Variants in CTNNA3 observed in about 807,000 individuals in gnomAD.
The protein encoded by CTNNA3 is catenin alpha 3, also known as catenin alpha-3.
CTNNA3 carries 76 observed loss-of-function variants against 95.7 expected under a neutral mutation model. That is an observed-to-expected ratio of 0.79 (90% CI 0.66 to 0.96). The LOEUF is 0.96. Among genes scored for constraint, CTNNA3 ranks in the 40% least tolerant of loss-of-function variants. The pLI, the probability that CTNNA3 is intolerant of heterozygous loss-of-function variation, is 0.00. For missense variants in CTNNA3, 1,191 were observed against 1,089.8 expected, an observed-to-expected ratio of 1.09 and a Z score of -1.31; for synonymous variants, 431 against 374.4, an observed-to-expected ratio of 1.15 and a Z score of -1.74.
intron 5 of CTNNA3, among the ~76,000 whole-genome samples, chr10:67,420,404 T>C (rs1433134737): frequency 6.6e-6 from 1 of 152,224 alleles, no homozygotes; most frequent in East Asian, 1.9e-4. Context: ...GACAATTTAT[T>C]ATGATCCTGG....
At chr10:66,246,923 G>A (rs1170569415) in intron 13 of CTNNA3, among the ~76,000 whole-genome samples, 1 of 151,732 alleles carries the variant, frequency 6.6e-6, no homozygotes, top group African/African-American at 2.4e-5. Flanking sequence ...TGTAGTGGTG[G>A]GTGCCTGTAG....
intron 1 of CTNNA3, among the ~76,000 whole-genome samples, chr10:67,723,217 C>G (rs1841190391): frequency 6.6e-6 from 1 of 151,804 alleles, no homozygotes; most frequent in South Asian, 2.1e-4. Context: ...GAACTCCTGA[C>G]CTCAGGTGAT....
rs1408117658 is a variant in CTNNA3 at position 67,197,737 on chromosome 10, T to C, written c.844-17217A>G. ...GAAAAGAGTTAAAAATCTGCTCTTT[T>C]CCTGGAGTTTAATATCCAGTTAAAT... On this transcript the variant is annotated intron_variant, in intron 6 of 17. Coordinates refer to ENST00000433211, the MANE Select transcript of CTNNA3 (RefSeq NM_013266.4). 2.0e-5 allele frequency among the ~76,000 whole-genome samples: 3 copies of C among 152,272 alleles called. No individual in the cohort carries two copies. In the East Asian group the frequency reaches 5.8e-4, roughly 29 times the overall value.
chr10:66,300,692 C>T (rs2091849164), intron 12 of CTNNA3, among the ~76,000 whole-genome samples: 1 of 151,520 alleles, frequency 6.6e-6, no homozygotes. Flanking sequence ...TTGCCCAGTG[C>T]TCTTTAAAAG....
intron 11 of CTNNA3, among the ~76,000 whole-genome samples, chr10:66,408,797 C>A (rs2091797833): frequency 6.6e-6 from 1 of 152,042 alleles, no homozygotes; most frequent in Non-Finnish European, 1.5e-5. Flanking sequence ...GTGTATAAAA[C>A]CTAGCTGAAA....
At chr10:66,606,611 A>T (rs1409524342) in intron 10 of CTNNA3, among the ~76,000 whole-genome samples, 2 of 152,132 alleles carry the variant, frequency 1.3e-5, no homozygotes, top group Admixed American at 6.6e-5. Flanking sequence ...AGCCTAAGAA[A>T]TTCACTCAAA....
intron 11 of CTNNA3, among the ~76,000 whole-genome samples, chr10:66,415,292 A>T (rs2093137796): frequency 6.7e-6 from 1 of 149,646 alleles, no homozygotes; most frequent in South Asian, 2.2e-4. Context: ...ACATATGACC[A>T]CTCCTCTCGG....
chr10:65,980,516 A>G (rs2078296570), intron 16 of CTNNA3, among the ~76,000 whole-genome samples: 1 of 150,968 alleles, frequency 6.6e-6, no homozygotes, highest in South Asian at 2.1e-4. Context: ...AAAACCAGGG[A>G]AGGACATAAC....
At chr10:67,067,390 C>T (rs1340251267) in intron 7 of CTNNA3, among the ~76,000 whole-genome samples, 2 of 152,132 alleles carry the variant, frequency 1.3e-5, no homozygotes, top group Admixed American at 6.5e-5. Context: ...ATGATTTGCT[C>T]GTATTCACTT....
At chr10:67,117,952 T>C (rs1212125506) in intron 7 of CTNNA3, among the ~76,000 whole-genome samples, 1 of 152,010 alleles carries the variant, frequency 6.6e-6, no homozygotes, top group African/African-American at 2.4e-5. Flanking sequence ...CTGCTTTTCA[T>C]GACCGATTCA....
chr10:67,068,564 A>G (rs138633607), intron 7 of CTNNA3, among the ~76,000 whole-genome samples: 76 of 152,356 alleles, frequency 5.0e-4, no homozygotes, highest in Non-Finnish European at 1.0e-3. Flanking sequence ...AAGCAGGTCA[A>G]GAACAGAACT....
intron 17 of CTNNA3, among the ~76,000 whole-genome samples, chr10:65,946,559 A>C (rs1231861335): frequency 6.6e-6 from 1 of 152,104 alleles, no homozygotes; most frequent in Non-Finnish European, 1.5e-5. Context: ...TAAAAACATC[A>C]CCTTGCATTC....
rs74141267 is a variant in CTNNA3 at position 66,206,752 on chromosome 10, G to A, written c.1884+73718C>T. On this transcript the variant is annotated intron_variant, in intron 13 of 17. Transcript: ENST00000433211. The stretch of plus-strand genomic sequence containing the variant: ...AGAAGATTTTCTTTGTAAAATGAAA[G>A]ATTGGCTTATATTTTCTGGTGTTTC... Among the ~76,000 whole-genome samples the A allele has an allele frequency of 6.0e-3, 910 of 151,980 alleles. 9 individuals are homozygous for A. The highest frequency in any genetic ancestry group is 0.021 in the African/African-American group (869 of 41,532).
At chr10:66,742,357 A>G (rs1353081143) in intron 9 of CTNNA3, among the ~76,000 whole-genome samples, 1 of 152,110 alleles carries the variant, frequency 6.6e-6, no homozygotes, top group Non-Finnish European at 1.5e-5. Context: ...CTGTCTCCTG[A>G]TAAGATGTTA....
chr10:66,337,513 T>C (rs2132342994), intron 12 of CTNNA3, among the ~76,000 whole-genome samples: 1 of 152,180 alleles, frequency 6.6e-6, no homozygotes, highest in Non-Finnish European at 1.5e-5. Context: ...GATCAGGATG[T>C]TCCTCTAAGG....
chr10:67,616,887 A>T (rs541621977), intron 2 of CTNNA3, among the ~76,000 whole-genome samples: 3 of 151,874 alleles, frequency 2.0e-5, no homozygotes, highest in South Asian at 2.1e-4. Flanking sequence ...TTGGGGAAAA[A>T]TTTTTTTTTA....
intron 2 of CTNNA3, among the ~76,000 whole-genome samples, chr10:67,634,927 C>T (rs1839256913): frequency 6.6e-6 from 1 of 152,084 alleles, no homozygotes; most frequent in Non-Finnish European, 1.5e-5. Flanking sequence ...CAAAGATATT[C>T]AGGACCTGAA....
intron 1 of CTNNA3, among the ~76,000 whole-genome samples, chr10:67,731,251 C>T (rs1460089003): frequency 1.3e-5 from 2 of 152,144 alleles, no homozygotes; most frequent in African/African-American, 4.8e-5. Context: ...GATGTGGTGG[C>T]TCACACCTCT....
In CTNNA3 at chr10:66,296,909, G is replaced by C. The variant is rs371497111; in HGVS notation, c.1733-16288C>G. On this transcript the variant is annotated intron_variant, in intron 12 of 17. Coordinates refer to ENST00000433211, the MANE Select transcript of CTNNA3 (RefSeq NM_013266.4). Reference sequence around the variant, plus strand: ...AGATGGATGTGCTAAATACAAAGCAGATAAATAATCAGACATGTTATTTTT... The same window carrying C: ...AGATGGATGTGCTAAATACAAAGCACATAAATAATCAGACATGTTATTTTT... 3.3e-5 allele frequency among the ~76,000 whole-genome samples: 5 copies of C among 152,240 alleles called. No individual in the cohort carries two copies. In the East Asian group the frequency reaches 5.8e-4, roughly 18 times the overall value.
Sources: allele counts gnomAD v4.1 joint callset (sites outside exome capture counted in the v4.1 genomes callset), GRCh38; gene constraint gnomAD v4.1.1; transcripts MANE v1.5; gene names NCBI Gene and HGNC (gene_info 2026-07-23, HGNC 2026-07-21).